Variants in PARVB observed in about 807,000 individuals in gnomAD.
PARVB encodes the protein beta-parvin.
In PARVB, 46 loss-of-function variants were observed where a neutral mutation model predicts 47.0. The ratio of observed to expected loss-of-function variants is 0.98; its 90% CI spans 0.77 to 1.25. The LOEUF (loss-of-function observed/expected upper bound fraction) is 1.25. Among genes scored for constraint, PARVB ranks in the 50% most tolerant of loss-of-function variants. PARVB has a pLI of 0.00. For synonymous variants in PARVB, 196 were observed against 196.3 expected (o/e 1.00, Z 0.01); for missense variants, 473 against 471.6 (o/e 1.00, Z -0.03).
rs2053359774 is a variant in PARVB, at chr22:44,132,896, A to G, written c.520A>G (p.Ile174Val). 1.2e-6 allele frequency: 2 copies of G among 1,611,526 alleles called. No homozygotes were observed. Among genetic ancestry groups the G allele is most frequent in the Non-Finnish European group, 8.5e-7 (1 of 1,177,852 alleles). Residue 174 changes from isoleucine (I) to valine (V), a missense_variant and splice_region_variant, in exon 6 of 13, where the codon ATT becomes GTT. Transcript: ENST00000338758. ...GWALRWSVDS[I>V]HGKNLVAILH... ...TCCCTTCCTCCTTCCTCCTGCAGCA[A>G]TTCACGGGAAGAACCTGGTGGCCAT...
At chr22:44,136,539 C>T (rs1364734973) in intron 7 of PARVB, 21 bp downstream of exon 7, 1 of 1,605,372 alleles carries the variant, frequency 6.2e-7, no homozygotes, top group Non-Finnish European at 8.5e-7. Context: ...CCCTGTCTTG[C>T]CCTTCCAGGC....
At chr22:44,086,658 C>A in intron 1 of PARVB, 1 of 668,866 alleles carries the variant, frequency 1.5e-6, no homozygotes, top group Non-Finnish European at 1.8e-6. Flanking sequence ...TGATTTAGAT[C>A]TCACTTAGGT....
intron 7 of PARVB, 144 bp downstream of exon 7, chr22:44,136,662 TGGTTCCC>T: frequency 1.4e-6 from 1 of 696,066 alleles, no homozygotes; most frequent in Non-Finnish European, 2.6e-6. Flanking sequence ...ATTCTCATGC[TGGTTCCC>T]ACCCCAGCTC....
At chr22:44,115,286 C>T (rs1365562506) in intron 3 of PARVB, 1 of 61,756 alleles carries the variant, frequency 1.6e-5, no homozygotes, top group Admixed American at 1.4e-4. Flanking sequence ...CCTGCACCAA[C>T]ACAGATACAT....
intron 12 of PARVB, among the ~76,000 whole-genome samples, chr22:44,167,139 T>C (rs1178066820): frequency 6.9e-6 from 1 of 144,630 alleles, no homozygotes; most frequent in East Asian, 1.9e-4. Context: ...CCTGCCCCCT[T>C]GTGGGGACCT....
intron 3 of PARVB, chr22:44,115,852 C>A (rs1369437896): frequency 6.7e-6 from 1 of 149,816 alleles, no homozygotes; most frequent in African/African-American, 2.5e-5. Context: ...ATACATTGTA[C>A]ATTGTTACTA....
At chr22:44,041,208 T>G (rs1390801263) in intron 1 of PARVB, among the ~76,000 whole-genome samples, 1 of 151,870 alleles carries the variant, frequency 6.6e-6, no homozygotes, top group Non-Finnish European at 1.5e-5. Context: ...CAAACTTTAC[T>G]TGGCTGGGAG....
chr22:44,063,995 C>T (rs759664932), intron 1 of PARVB, among the ~76,000 whole-genome samples: 2 of 152,230 alleles, frequency 1.3e-5, no homozygotes, highest in South Asian at 2.1e-4. Context: ...GGCCTGGGAT[C>T]GCTTTCCTCC....
exon 1 of PARVB, chr22:43,999,383 G>A (rs530154079): frequency 1.9e-6 from 3 of 1,610,794 alleles, no homozygotes; most frequent in African/African-American, 1.3e-5. Flanking sequence ...AGAGAAAAGG[G>A]GATTCCTTAG....
chr22:44,009,614 T>C (rs1384821707), intron 2 of PARVB: 1 of 150,868 alleles, frequency 6.6e-6, no homozygotes, highest in Non-Finnish European at 1.5e-5. Flanking sequence ...ATAATATATG[T>C]GATATATGTA....
At position 44,084,647 on chromosome 22, in the gene PARVB, A is replaced by G. The variant is rs193208294; in HGVS notation, c.113-9281A>G. Among the ~76,000 whole-genome samples, 203 of 152,306 alleles carry G rather than the reference A, an allele frequency of 1.3e-3. 1 individual carries two copies. The highest frequency in any genetic ancestry group is 2.2e-3 in the Non-Finnish European group (149 of 68,022). ...TGCTGTCACCCATAGTCTCAGAGTC[A>G]TGTTATTATTCTGCAGTCATCTGTG... is the stretch of plus-strand genomic sequence containing the variant. On this transcript the variant is annotated intron_variant, in intron 1 of 12. Transcript: ENST00000338758.
At chr22:44,164,415 C>A (rs1466970155) in intron 12 of PARVB, among the ~76,000 whole-genome samples, 15 of 139,178 alleles carry the variant, frequency 1.1e-4, no homozygotes, top group Admixed American at 9.0e-4. Context: ...CCTGTCCCCC[C>A]CCCGGCTCCT....
chr22:44,167,111 T>C lies in PARVB; in HGVS notation c.1019-1491T>C, dbSNP rs557476791. On this transcript the variant is annotated intron_variant, in intron 12 of 12. Coordinates refer to ENST00000338758, the MANE Select transcript of PARVB (RefSeq NM_013327.5). The stretch of plus-strand genomic sequence containing the variant: ...ACCTGGTTCCCTAGGCCCCCAGCAA[T>C]GATGGGCATCCTGGCCCCCTGCCCC... 3.3e-5 allele frequency among the ~76,000 whole-genome samples: 5 copies of C among 152,252 alleles called. No individual in the cohort carries two copies. In the South Asian group the frequency reaches 1.0e-3, roughly 32 times the overall value.
At chr22:44,009,797 T>C (rs1023684436) in intron 2 of PARVB, among the ~76,000 whole-genome samples, 1 of 150,314 alleles carries the variant, frequency 6.7e-6, no homozygotes, top group Non-Finnish European at 1.5e-5. Flanking sequence ...TACACATGTG[T>C]GCATATGAAT....
intron 1 of PARVB, among the ~76,000 whole-genome samples, chr22:44,030,464 G>A (rs569870153): frequency 2.6e-5 from 4 of 152,340 alleles, no homozygotes; most frequent in South Asian, 2.1e-4. Context: ...CTGGTCGGGG[G>A]CTGGAGAGGT....
intron 10 of PARVB, among the ~76,000 whole-genome samples, chr22:44,154,939 ATGTG>A (rs71188433): frequency 1.2e-3 from 121 of 102,468 alleles, no homozygotes; most frequent in Admixed American, 4.7e-3. Context: ...GTGTGGTGTG[ATGTG>A]TGTGTGTGTG....
At chr22:44,148,060 C>T in intron 9 of PARVB, 138 bp downstream of exon 9, 1 of 730,854 alleles carries the variant, frequency 1.4e-6, no homozygotes, top group Non-Finnish European at 2.4e-6. Flanking sequence ...AATGTAATTA[C>T]AGTCAAAAAC....
At chr22:44,079,636 G>A (rs957273645) in intron 1 of PARVB, among the ~76,000 whole-genome samples, 1 of 152,212 alleles carries the variant, frequency 6.6e-6, no homozygotes, top group Non-Finnish European at 1.5e-5. Flanking sequence ...CGTGCTGACT[G>A]TGAGGCCATC....
At chr22:44,050,321 C>T (rs1323346670) in intron 1 of PARVB, among the ~76,000 whole-genome samples, 2 of 151,790 alleles carry the variant, frequency 1.3e-5, no homozygotes, top group Admixed American at 6.6e-5. Context: ...GTAAACAAGA[C>T]ATTCCTACAG....
Sources: gnomAD v4.1 joint callset for allele counts (sites outside exome capture counted in the v4.1 genomes callset) on GRCh38, gnomAD v4.1.1 for gene constraint, MANE v1.5 for transcripts, NCBI Gene and HGNC (gene_info 2026-07-23, HGNC 2026-07-21) for gene names.